DMD: variants seen among roughly 807,000 people sequenced by gnomAD.
The protein encoded by DMD is mutant dystrophin.
In DMD, 63 loss-of-function variants were observed where a neutral mutation model predicts 330.1. That is an observed-to-expected ratio of 0.19 (90% CI 0.16 to 0.24). The LOEUF (loss-of-function observed/expected upper bound fraction) is 0.24, where lower values mean the gene tolerates loss of function less well. Ranked by LOEUF, DMD falls within the 10% of genes least tolerant of loss-of-function variation. DMD has a pLI of 1.00. For missense variants in DMD, 3,344 were observed against 2,684.1 expected (o/e 1.25, Z -5.43); for synonymous variants, 1,223 against 959.8 (o/e 1.27, Z -5.07).
chrX:32,961,491 A>C (rs2091895818), intron 2 of DMD, among the ~76,000 whole-genome samples: 1 of 111,480 alleles, frequency 9.0e-6, no homozygotes, highest in Non-Finnish European at 1.9e-5. Context: ...GAAACTCAAT[A>C]AATCTTTGTT....
rs571880019 is a variant in DMD at position 32,312,751 on chromosome X, C to T, written c.5923-2475G>A. Among the ~76,000 whole-genome samples the T allele has an allele frequency of 3.1e-3, 328 of 106,074 alleles. 1 individual carries two copies. Among genetic ancestry groups the T allele is most frequent in the African/African-American group, 0.01 (311 of 29,785 alleles). The allele number at this position is 106,074 out of a possible 115,157, so 92.1% of individuals were successfully genotyped here. On this transcript the variant is annotated intron_variant, in intron 41 of 78. Transcript: ENST00000357033. Reference sequence around the variant, plus strand: ...AAAATGATAAAGGGGATATCACCACCGATCCCACAGAAATACAAACTACCA... The same window carrying T: ...AAAATGATAAAGGGGATATCACCACTGATCCCACAGAAATACAAACTACCA...
intron 62 of DMD, among the ~76,000 whole-genome samples, chrX:31,291,416 T>C (rs1458780549): frequency 1.8e-5 from 2 of 112,063 alleles, no homozygotes; most frequent in Admixed American, 9.5e-5. Flanking sequence ...ATGTATTCTA[T>C]AGTCCCTACC....
chrX:32,152,425 G>T (rs1484651101), intron 44 of DMD, among the ~76,000 whole-genome samples: 2 of 111,376 alleles, frequency 1.8e-5, no homozygotes. Flanking sequence ...AGTTCCTAAT[G>T]TACCTTGAGA....
intron 1 of DMD, among the ~76,000 whole-genome samples, chrX:33,158,554 T>C (rs2048616780): frequency 8.9e-6 from 1 of 111,949 alleles, no homozygotes; most frequent in Non-Finnish European, 1.9e-5. Flanking sequence ...AATTGTGCCA[T>C]AATAGATAAT....
intron 1 of DMD, among the ~76,000 whole-genome samples, chrX:33,060,373 T>C (rs1364949325): frequency 9.0e-6 from 1 of 111,172 alleles, no homozygotes; most frequent in Admixed American, 9.6e-5. Context: ...GCTAAACTGA[T>C]CTGGCCTGCT....
intron 47 of DMD, among the ~76,000 whole-genome samples, chrX:31,896,652 T>C (rs2094337849): frequency 8.9e-6 from 1 of 111,948 alleles, no homozygotes; most frequent in African/African-American, 3.2e-5. Flanking sequence ...CTGCTTATTC[T>C]TTTACCTTTA....
intron 1 of DMD, among the ~76,000 whole-genome samples, chrX:33,202,034 T>C: frequency 8.9e-6 from 1 of 112,377 alleles, no homozygotes; most frequent in Non-Finnish European, 1.9e-5. Context: ...TATGCAAGTC[T>C]AGAGAATGGG....
chrX:33,051,764 T>C (rs2148009033), intron 1 of DMD, among the ~76,000 whole-genome samples: 1 of 105,240 alleles, frequency 9.5e-6, no homozygotes, highest in South Asian at 4.5e-4. Flanking sequence ...CTCTCCTGCC[T>C]CAGCCTCCCA....
rs146867970 is a variant in DMD at position 32,534,264 on chromosome X, G to A, written c.2168+10895C>T. 6.3e-3 allele frequency among the ~76,000 whole-genome samples: 705 copies of A among 111,436 alleles called. 7 individuals carry two copies. The highest frequency in any genetic ancestry group is 0.022 in the African/African-American group (666 of 30,604). ...AGCCTCTGGTATAGTTTGGATATTC[G>A]TCCCTTCCCAAATCTTATGCTGAAT... On this transcript the variant is annotated intron_variant, in intron 17 of 78. Coordinates refer to ENST00000357033, the MANE Select transcript of DMD (RefSeq NM_004006.3).
At chrX:33,070,661 CTCTCTCTCTCTCTATATATATATATA>C (rs1204210799) in intron 1 of DMD, among the ~76,000 whole-genome samples, 1 of 44,234 alleles carries the variant, frequency 2.3e-5, no homozygotes, top group African/African-American at 9.6e-5. Flanking sequence ...CTCTCTCTCT[CTCTCTCTCTCTCTATATATATATATA>C]TATATATATA....
In DMD at chrX:33,156,614, G is replaced by A. The variant is rs776755813; in HGVS notation, c.31+54668C>T. ...GATTAAAAATAAAACAAAGTAGAAG[G>A]AGGAAAGAATGGGTGTTTCAAGAAA... On this transcript the variant is annotated intron_variant, in intron 1 of 78. Coordinates refer to ENST00000357033, the MANE Select transcript of DMD (RefSeq NM_004006.3). Among the ~76,000 whole-genome samples, 6 of 112,026 alleles carry A rather than the reference G, an allele frequency of 5.4e-5. No homozygotes were observed. In the South Asian group the frequency reaches 2.2e-3, roughly 41 times the overall value.
intron 17 of DMD, among the ~76,000 whole-genome samples, chrX:32,528,932 A>G (rs866479912): frequency 4.9e-5 from 2 of 40,633 alleles, no homozygotes; most frequent in African/African-American, 1.9e-4. Context: ...TTTTAATTTT[A>G]TTTTTTTCAG....
Position 32,407,177 on chromosome X carries a change from A to C in DMD, c.4233+4575T>G, listed in dbSNP as rs1338316986. Among the ~76,000 whole-genome samples, 15 of 111,514 alleles carry C rather than the reference A, an allele frequency of 1.3e-4. No individual in the cohort carries two copies. In the East Asian group the frequency reaches 4.0e-3, roughly 29 times the overall value. ...GCACAGCAAAAGAAACTACCATCAG[A>C]GTGAACAGGCAACCTACAGAATGGG... is the stretch of plus-strand genomic sequence containing the variant. On this transcript the variant is annotated intron_variant, in intron 30 of 78. Transcript: ENST00000357033.
Position 33,211,484 on chromosome X carries a change from A to C in DMD, c.-172T>G, listed in dbSNP as rs748124207. ...TTTTCTCCGAAGGTAATTGCCTCCC[A>C]GATCTGAGTCCTGTAGGGGGAAAGT... is the stretch of plus-strand genomic sequence containing the variant. On this transcript the variant is annotated 5_prime_UTR_variant, in exon 1 of 79. Transcript: ENST00000357033. 5.9e-5 allele frequency: 66 copies of C among 1,112,808 alleles called. No homozygotes were observed. The highest frequency in any genetic ancestry group is 7.6e-5 in the Non-Finnish European group (64 of 846,596). 91.7% of individuals were successfully genotyped at this position (1,112,808 alleles called of 1,213,427 possible). A position where few individuals can be genotyped will look rare whatever the true frequency, so the allele number is the denominator to read the frequency against.
At chrX:32,674,219 C>T (rs1247764213) in intron 9 of DMD, among the ~76,000 whole-genome samples, 1 of 111,592 alleles carries the variant, frequency 9.0e-6, no homozygotes, top group African/African-American at 3.2e-5. Context: ...GCCCTTCTAA[C>T]TTTTTACTTA....
chrX:31,146,566 T>C, intron 75 of DMD, 152 bp from the exon 76 acceptor site: 2 of 572,211 alleles, frequency 3.5e-6, no homozygotes, highest in South Asian at 5.6e-5. Flanking sequence ...GATATTTCAC[T>C]GTTGATATAA....
At chrX:31,348,696 A>C in intron 60 of DMD, 62 bp from the exon 61 acceptor site, 4 of 969,289 alleles carry the variant, frequency 4.1e-6, no homozygotes, top group Non-Finnish European at 5.8e-6. Context: ...CAATTAAAAC[A>C]ATGTATCCTT....
At position 31,747,066 on chromosome X, in the gene DMD, G is replaced by C. The variant is rs752478744; in HGVS notation, c.7543-17318C>G. Reference sequence around the variant, plus strand: ...GATAAAAATCTGCCCTTGATTGGGTGCTATGTGTTTAAGCTCTGGTTTAGC... The same window carrying C: ...GATAAAAATCTGCCCTTGATTGGGTCCTATGTGTTTAAGCTCTGGTTTAGC... On this transcript the variant is annotated intron_variant, in intron 51 of 78. Transcript: ENST00000357033. 2.7e-5 allele frequency among the ~76,000 whole-genome samples: 3 copies of C among 111,462 alleles called. No homozygotes were observed. In the South Asian group the frequency reaches 1.2e-3, roughly 43 times the overall value.
intron 55 of DMD, among the ~76,000 whole-genome samples, chrX:31,512,018 T>C (rs960895534): frequency 5.4e-5 from 6 of 110,203 alleles, no homozygotes; most frequent in African/African-American, 9.9e-5. Context: ...TTTTAAATGA[T>C]TGCCATTCTA....
Sources: gnomAD v4.1 joint callset for allele counts (sites outside exome capture counted in the v4.1 genomes callset) on GRCh38, gnomAD v4.1.1 for gene constraint, MANE v1.5 for transcripts, NCBI Gene and HGNC (gene_info 2026-07-23, HGNC 2026-07-21) for gene names.